DBF4B: variants seen among roughly 807,000 people sequenced by gnomAD.
DBF4B encodes DBF4B-CDC7 kinase regulatory subunit, also known as protein DBF4 homolog B.
A neutral mutation model predicts 53.4 loss-of-function variants in DBF4B; 49 were observed. The observed-to-expected ratio is 0.92, with a 90% CI of 0.73 to 1.16. DBF4B has a LOEUF of 1.16. DBF4B is among the 50% of genes most tolerant of loss of function. DBF4B has a pLI of 0.00. For missense variants in DBF4B, 692 were observed against 775.0 expected (o/e 0.89, Z 1.27); for synonymous variants, 257 against 288.7 (o/e 0.89, Z 1.11).
chr17:44,739,080 G>A (rs940411207), intron 9 of DBF4B, among the ~76,000 whole-genome samples: 1 of 152,096 alleles, frequency 6.6e-6, no homozygotes, highest in Admixed American at 6.6e-5. Flanking sequence ...CAGGTGTCCT[G>A]CCTACCCTGT....
rs1465805305 is a variant in DBF4B at position 44,746,576 on chromosome 17, TGG to T, written c.831-505_831-504del. Among the ~76,000 whole-genome samples, 6 of 152,178 alleles carry T rather than the reference TGG, an allele frequency of 3.9e-5. No homozygotes were observed. In the East Asian group the frequency reaches 1.2e-3, roughly 29 times the overall value. ...GCTCACACCTGTAATCCCAGCACTT[TGG>T]GAGGCCAAGGCAGGTGGATCACCTG... On this transcript the variant is annotated intron_variant, in intron 10 of 13. Transcript: ENST00000315005.
At chr17:44,729,727 C>CACACACA (rs3223649) in intron 3 of DBF4B, among the ~76,000 whole-genome samples, 178 bp from the exon 4 acceptor site, 6 of 145,192 alleles carry the variant, frequency 4.1e-5, no homozygotes, top group South Asian at 2.2e-4. Context: ...CACACACACA[C>CACACACA]CCCATTAGAT....
chr17:44,730,179 TA>T, intron 4 of DBF4B, 83 bp downstream of exon 4: 1 of 1,377,876 alleles, frequency 7.3e-7, no homozygotes, highest in Admixed American at 2.6e-5. Flanking sequence ...TCTCTGGTTT[TA>T]ATTTCATCTG....
intron 5 of DBF4B, chr17:44,731,801 A>G (rs1974864480): frequency 5.5e-6 from 1 of 182,720 alleles, no homozygotes; most frequent in Non-Finnish European, 1.1e-5. Context: ...TGCAGCTAGC[A>G]TAGTTTCATG....
intron 7 of DBF4B, among the ~76,000 whole-genome samples, chr17:44,736,626 GC>G (rs1975464111): frequency 6.6e-6 from 1 of 152,094 alleles, no homozygotes; most frequent in Admixed American, 6.6e-5. Context: ...CACACCGAGT[GC>G]CCCCCTTATT....
chr17:44,708,861 G>A (rs776149580), intron 1 of DBF4B, 22 bp downstream of exon 1: 8 of 1,551,000 alleles, frequency 5.2e-6, no homozygotes, highest in South Asian at 3.6e-5. Flanking sequence ...GGGAAGGGGA[G>A]AAAGAAAGGC....
intron 3 of DBF4B, among the ~76,000 whole-genome samples, chr17:44,724,933 A>G (rs1452545476): frequency 6.6e-6 from 1 of 152,146 alleles, no homozygotes; most frequent in Non-Finnish European, 1.5e-5. Flanking sequence ...CCTGACCAAC[A>G]TGGAGAAACC....
At chr17:44,723,464 A>AT (rs1170488024) in intron 3 of DBF4B, among the ~76,000 whole-genome samples, 1 of 151,794 alleles carries the variant, frequency 6.6e-6, no homozygotes, top group African/African-American at 2.4e-5. Flanking sequence ...AATATAAACC[A>AT]TTTTTTTGGC....
chr17:44,750,809 G>A lies in DBF4B; in HGVS notation c.1404G>A (p.Ser468=), dbSNP rs778743718. 10 of 1,614,084 alleles carry A rather than the reference G, an allele frequency of 6.2e-6. No homozygotes were observed. The highest frequency in any genetic ancestry group is 1.3e-5 in the African/African-American group (1 of 74,924). Residue 468 remains serine (S), a synonymous_variant, in exon 14 of 14, where the codon TCG becomes TCA. Coordinates refer to ENST00000315005, the MANE Select transcript of DBF4B (RefSeq NM_145663.3). ...TSLALLPGEW[S]PAEDMPLHPS... ...TGGCTCTGCTGCCTGGGGAGTGGTC[G>A]CCTGCAGAGGACATGCCCCTCCATC...
chr17:44,749,199 C>G lies in DBF4B; in HGVS notation c.1189+734C>G. On this transcript the variant is annotated intron_variant, in intron 13 of 13. Transcript: ENST00000315005. This position sits in a 1 kb window ranked among gnomAD's most constrained non-coding sequence, Gnocchi z 4.4. ...CAGCCAGTGCGGGAGCCAGCTGTTC[C>G]CGATGCCTCTGGGCCCCCCAGCCTC... is the stretch of plus-strand genomic sequence containing the variant. 1 of 1,290,020 alleles carries G rather than the reference C, an allele frequency of 7.8e-7. No homozygotes were observed. The highest frequency in any genetic ancestry group is 1.0e-6 in the Non-Finnish European group (1 of 988,878). The allele number at this position is 1,290,020 out of a possible 1,614,324, so 79.9% of individuals were successfully genotyped here.
At chr17:44,745,587 G>A (rs940712215) in intron 10 of DBF4B, among the ~76,000 whole-genome samples, 11 of 152,170 alleles carry the variant, frequency 7.2e-5, no homozygotes, top group African/African-American at 9.7e-5. Flanking sequence ...GAACTGTCAC[G>A]AGAATAGCAT....
intron 2 of DBF4B, among the ~76,000 whole-genome samples, chr17:44,713,353 A>T (rs1973064210): frequency 6.7e-6 from 1 of 149,868 alleles, no homozygotes; most frequent in African/African-American, 2.4e-5. Flanking sequence ...CATTATTTTC[A>T]TTATGTAAAC....
intron 6 of DBF4B, 76 bp downstream of exon 6, chr17:44,732,341 C>T: frequency 2.0e-6 from 3 of 1,486,930 alleles, no homozygotes; most frequent in South Asian, 1.2e-5. Context: ...TTAGAAGGAT[C>T]ATGGTCATGT....
At chr17:44,745,157 C>T (rs1230127097) in intron 10 of DBF4B, among the ~76,000 whole-genome samples, 3 of 152,170 alleles carry the variant, frequency 2.0e-5, no homozygotes, top group East Asian at 3.9e-4. Context: ...GTCTCGAACT[C>T]CTGCGCCCAA....
intron 2 of DBF4B, among the ~76,000 whole-genome samples, chr17:44,713,468 C>T (rs1973073608): frequency 6.6e-6 from 1 of 151,874 alleles, no homozygotes; most frequent in African/African-American, 2.4e-5. Context: ...GCCTGGCCAA[C>T]ATGGTGAAAC....
Position 44,750,644 on chromosome 17 carries a change from T to C in DBF4B, c.1239T>C (p.Asp413=). The C allele has an allele frequency of 6.2e-7, 1 of 1,613,944 alleles. No individual in the cohort carries two copies. Residue 413 remains aspartate, a synonymous_variant, in exon 14 of 14, where the codon GAT becomes GAC. Transcript: ENST00000315005. ...AGCAGCGATGGACAGAATCACTAGA[T>C]GGTGTGATGGGACCTCCTGCAAGTC... ...AGQQRWTESL[D]GVMGPPASHT...
Position 44,730,103 on chromosome 17 carries a change from A to C in DBF4B, c.417+7A>C, listed in dbSNP as rs1414944864. ...ACGGAAACCCGTTGACTCGGTAAGA[A>C]CCTCATGTAGGAAAGGTATGCTGTG... On this transcript the variant is annotated splice_region_variant and intron_variant, in intron 4 of 13. Coordinates refer to ENST00000315005, the MANE Select transcript of DBF4B (RefSeq NM_145663.3). 3.1e-6 allele frequency: 5 copies of C among 1,611,866 alleles called. No homozygotes were observed. The highest frequency in any genetic ancestry group is 4.2e-6 in the Non-Finnish European group (5 of 1,179,838).
rs114276400 is a variant in DBF4B, at chr17:44,727,263, A to T, written c.226-2642A>T. Among the ~76,000 whole-genome samples the T allele has an allele frequency of 2.4e-3, 361 of 151,942 alleles. 2 individuals are homozygous for T. Among genetic ancestry groups the T allele is most frequent in the African/African-American group, 8.0e-3 (331 of 41,428 alleles). On this transcript the variant is annotated intron_variant, in intron 3 of 13. Coordinates refer to ENST00000315005, the MANE Select transcript of DBF4B (RefSeq NM_145663.3). Reference sequence around the variant, plus strand: ...GAAACCTTGTCTCTACTAAAAATATAAAAAAATTAGCAGGGCATGGTAGCA... The same window carrying T: ...GAAACCTTGTCTCTACTAAAAATATTAAAAAATTAGCAGGGCATGGTAGCA...
At chr17:44,725,550 C>G (rs1296942281) in intron 3 of DBF4B, among the ~76,000 whole-genome samples, 2 of 151,962 alleles carry the variant, frequency 1.3e-5, no homozygotes, top group East Asian at 3.8e-4. Flanking sequence ...TTCATCACCC[C>G]AAAAAGGAAA....
Sources: gnomAD v4.1 joint callset for allele counts (sites outside exome capture counted in the v4.1 genomes callset) on GRCh38, gnomAD v4.1.1 for gene constraint, Gnocchi (gnomAD v3.1) non-coding constraint, MANE v1.5 for transcripts, NCBI Gene and HGNC (gene_info 2026-07-23, HGNC 2026-07-21) for gene names.